The following COL26A1 variants were observed in gnomAD, a reference collection of about 807,000 sequenced individuals.
The protein encoded by COL26A1 is collagen type XXVI alpha 1 chain, also known as collagen alpha-1(XXVI) chain.
In COL26A1, 41 loss-of-function variants were observed where a neutral mutation model predicts 59.3. The observed-to-expected ratio is 0.69, with a 90% CI of 0.54 to 0.90. The LOEUF (loss-of-function observed/expected upper bound fraction) is 0.90, where lower values mean the gene tolerates loss of function less well. COL26A1 is among the 40% of genes least tolerant of loss of function. The pLI is 0.00. For missense variants in COL26A1, 612 were observed against 602.3 expected (o/e 1.02, Z -0.17); for synonymous variants, 266 against 256.0 (o/e 1.04, Z -0.37).
chr7:101,500,066 A>G (rs1232143864), intron 3 of COL26A1, among the ~76,000 whole-genome samples: 3 of 152,158 alleles, frequency 2.0e-5, no homozygotes, highest in Non-Finnish European at 4.4e-5. Context: ...GTTCTATGGA[A>G]TAAGCAAAAC....
At chr7:101,483,650 G>A (rs1397099796) in intron 3 of COL26A1, among the ~76,000 whole-genome samples, 1 of 151,272 alleles carries the variant, frequency 6.6e-6, no homozygotes, top group Non-Finnish European at 1.5e-5. Flanking sequence ...TGGGACTACA[G>A]ATGCATGCCA....
intron 3 of COL26A1, among the ~76,000 whole-genome samples, chr7:101,450,990 A>C (rs1422458196): frequency 2.1e-5 from 3 of 145,340 alleles, no homozygotes; most frequent in Non-Finnish European, 4.5e-5. Context: ...ATATTCATAT[A>C]TTGAATAATA....
At chr7:101,420,719 C>CCTCTCACCAGCCCCTAG (rs1380191350) in intron 2 of COL26A1, among the ~76,000 whole-genome samples, 1 of 144,248 alleles carries the variant, frequency 6.9e-6, no homozygotes, top group Admixed American at 6.9e-5. Context: ...CCAGCCCCTC[C>CCTCTCACCAGCCCCTAG]CTCTCACCAG....
intron 4 of COL26A1, among the ~76,000 whole-genome samples, chr7:101,534,650 CAT>C (rs1257704287): frequency 1.1e-4 from 12 of 108,782 alleles, no homozygotes; most frequent in African/African-American, 5.7e-4. Context: ...GGCACACATA[CAT>C]ATACACACAC....
At chr7:101,389,207 T>C (rs1479163936) in intron 1 of COL26A1, 1 of 153,028 alleles carries the variant, frequency 6.5e-6, no homozygotes, top group African/African-American at 2.4e-5. Flanking sequence ...TTAGTGATGT[T>C]GAACATCTTT....
intron 3 of COL26A1, among the ~76,000 whole-genome samples, chr7:101,484,224 C>A (rs1794220534): frequency 6.6e-6 from 1 of 152,086 alleles, no homozygotes; most frequent in South Asian, 2.1e-4. Flanking sequence ...TCTCTTTAGA[C>A]TCTCAGCAAT....
chr7:101,471,322 CTG>C (rs1028729875), intron 3 of COL26A1, among the ~76,000 whole-genome samples: 8 of 152,164 alleles, frequency 5.3e-5, no homozygotes, highest in African/African-American at 1.7e-4. Context: ...ACGATACACC[CTG>C]TGTGAGTGTG....
intron 3 of COL26A1, among the ~76,000 whole-genome samples, chr7:101,493,216 C>T (rs1339192848): frequency 6.6e-6 from 1 of 151,774 alleles, no homozygotes; most frequent in Non-Finnish European, 1.5e-5. Flanking sequence ...ACCAGGCTGC[C>T]CACCCCCTTC....
chr7:101,406,846 A>G (rs1792139827), intron 1 of COL26A1, among the ~76,000 whole-genome samples: 1 of 152,076 alleles, frequency 6.6e-6, no homozygotes, highest in Non-Finnish European at 1.5e-5. Flanking sequence ...GCTACTTGAG[A>G]GGCTGAGGCA....
chr7:101,549,431 G>T (rs1795814404), intron 9 of COL26A1, among the ~76,000 whole-genome samples: 1 of 152,106 alleles, frequency 6.6e-6, no homozygotes, highest in Admixed American at 6.5e-5. Context: ...ACCCAGGCTG[G>T]AGTGCAGTGG....
intron 2 of COL26A1, among the ~76,000 whole-genome samples, chr7:101,439,167 G>T (rs1792986447): frequency 6.6e-6 from 1 of 152,084 alleles, no homozygotes; most frequent in Non-Finnish European, 1.5e-5. Flanking sequence ...TAATACCCAG[G>T]AAAAGCCTCA....
At chr7:101,512,270 C>A (rs955543795) in intron 3 of COL26A1, among the ~76,000 whole-genome samples, 2 of 152,104 alleles carry the variant, frequency 1.3e-5, no homozygotes, top group Non-Finnish European at 2.9e-5. Context: ...ATGGAGGCAA[C>A]AAGAAAACTT....
chr7:101,541,781 G>A (rs1044296161), intron 5 of COL26A1, among the ~76,000 whole-genome samples: 1 of 152,088 alleles, frequency 6.6e-6, no homozygotes, highest in Non-Finnish European at 1.5e-5. Flanking sequence ...AGTTGCAATC[G>A]ATGAAGCCCT....
chr7:101,368,494 C>A (rs1791102520), intron 1 of COL26A1, among the ~76,000 whole-genome samples: 1 of 152,222 alleles, frequency 6.6e-6, no homozygotes, highest in Non-Finnish European at 1.5e-5. Flanking sequence ...ACCCCATAGG[C>A]AGTGTGCCCA....
At chr7:101,545,040 C>A (rs1209106254) in intron 6 of COL26A1, among the ~76,000 whole-genome samples, 1 of 152,166 alleles carries the variant, frequency 6.6e-6, no homozygotes, top group East Asian at 1.9e-4. Context: ...GGGCTGAAGT[C>A]CCTGGGAGGG....
At chr7:101,537,468 A>G (rs1159812752) in intron 4 of COL26A1, among the ~76,000 whole-genome samples, 2 of 152,176 alleles carry the variant, frequency 1.3e-5, no homozygotes, top group Non-Finnish European at 2.9e-5. Flanking sequence ...TCTTGGCCCC[A>G]CGCCCATGGC....
At chr7:101,362,765 C>T (rs1024754528), upstream of COL26A1, 2 of 497,902 alleles carry the variant, frequency 4.0e-6, no homozygotes, top group Non-Finnish European at 7.0e-6. Flanking sequence ...GCCACTGCCG[C>T]CTCCTCGGCC....
At chr7:101,544,172 G>A (rs1038655715) in intron 6 of COL26A1, 76 bp downstream of exon 6, 12 of 1,166,614 alleles carry the variant, frequency 1.0e-5, no homozygotes, top group South Asian at 5.4e-5. Context: ...TGGAACAGGC[G>A]AGGTGTCCCA....
intron 3 of COL26A1, among the ~76,000 whole-genome samples, chr7:101,473,287 C>CA (rs1793949805): frequency 1.3e-5 from 2 of 151,370 alleles, no homozygotes; most frequent in Admixed American, 6.6e-5. Flanking sequence ...CACCATTCAC[C>CA]GCATGGTCTT....
Sources: allele counts gnomAD v4.1 joint callset (sites outside exome capture counted in the v4.1 genomes callset), GRCh38; gene constraint gnomAD v4.1.1; transcripts MANE v1.5; gene names NCBI Gene and HGNC (gene_info 2026-07-23, HGNC 2026-07-21).